The following DSCAM variants were observed in gnomAD, a reference collection of about 807,000 sequenced individuals.
DSCAM encodes the protein cell adhesion molecule DSCAM.
DSCAM carries 47 observed loss-of-function variants against 217.7 expected under a neutral mutation model. That is an observed-to-expected ratio of 0.22 (90% CI 0.17 to 0.28). DSCAM has a LOEUF of 0.28. DSCAM is among the 10% of genes least tolerant of loss of function. The pLI, the probability that DSCAM is intolerant of heterozygous loss-of-function variation, is 1.00. For missense variants in DSCAM, 2,080 were observed against 2,618.3 expected (o/e 0.79, Z 4.49); for synonymous variants, 1,056 against 1,015.3 (o/e 1.04, Z -0.76).
At chr21:40,782,413 A>T (rs1205194911) in intron 1 of DSCAM, among the ~76,000 whole-genome samples, 4 of 152,128 alleles carry the variant, frequency 2.6e-5, no homozygotes, top group Non-Finnish European at 5.9e-5. Context: ...CACAGAAAGG[A>T]AGTGTGGCTT....
chr21:40,044,338 C>T (rs367604627), intron 30 of DSCAM, 63 bp from the exon 31 acceptor site: 20 of 1,526,510 alleles, frequency 1.3e-5, no homozygotes, highest in South Asian at 2.5e-5. Context: ...TGAGAGCAAG[C>T]GTAGAGGTCA....
At position 40,051,974 on chromosome 21, in the gene DSCAM, G is replaced by A. The variant is rs779058480; in HGVS notation, c.5169C>T (p.Asp1723=). 3.5e-5 allele frequency: 56 copies of A among 1,612,882 alleles called. 1 individual carries two copies. Among genetic ancestry groups the A allele is most frequent in the South Asian group, 3.2e-4 (29 of 90,886 alleles). ...QATGPLVDVS[D]ARPGTNPTTR... The stretch of plus-strand genomic sequence containing the variant: ...ACCACTCACTCGTTCCCGGCCGAGC[G>A]TCTGAAACATCCACTAAGGGCCCAG... The change falls in exon 30 of 33, where the codon GAC becomes GAT. Residue 1723 remains aspartate, a synonymous_variant. Coordinates refer to ENST00000400454, the MANE Select transcript of DSCAM (RefSeq NM_001389.5).
chr21:40,310,768 T>C (rs2074129005), intron 9 of DSCAM, among the ~76,000 whole-genome samples: 2 of 152,204 alleles, frequency 1.3e-5, no homozygotes, highest in South Asian at 2.1e-4. Flanking sequence ...AAGAAAACGC[T>C]TGGGAAACAG....
At chr21:40,390,509 G>T (rs2075124321) in intron 3 of DSCAM, among the ~76,000 whole-genome samples, 1 of 152,136 alleles carries the variant, frequency 6.6e-6, no homozygotes, top group Non-Finnish European at 1.5e-5. Flanking sequence ...TTTTCCCAGG[G>T]CTGCTGCAAC....
intron 3 of DSCAM, among the ~76,000 whole-genome samples, chr21:40,560,959 T>C (rs769663458): frequency 1.3e-5 from 2 of 152,226 alleles, no homozygotes; most frequent in Non-Finnish European, 2.9e-5. Context: ...AAGGACCATA[T>C]GCTTATGTAA....
chr21:40,106,708 T>A (rs963542235), intron 20 of DSCAM, among the ~76,000 whole-genome samples: 1 of 152,216 alleles, frequency 6.6e-6, no homozygotes, highest in Non-Finnish European at 1.5e-5. Context: ...GGAGAGTGTA[T>A]GTGTTCAGGA....
At chr21:40,500,956 A>C (rs2076166059) in intron 3 of DSCAM, among the ~76,000 whole-genome samples, 1 of 151,888 alleles carries the variant, frequency 6.6e-6, no homozygotes, top group Non-Finnish European at 1.5e-5. Flanking sequence ...GTAGGTATGC[A>C]GCACGAGGCT....
chr21:40,170,023 A>G (rs1397559692), intron 15 of DSCAM, among the ~76,000 whole-genome samples: 2 of 152,110 alleles, frequency 1.3e-5, no homozygotes, highest in African/African-American at 4.8e-5. Flanking sequence ...CACAATTCAC[A>G]CTGTTCACCC....
At chr21:40,099,471 C>T (rs1168127203) in intron 20 of DSCAM, among the ~76,000 whole-genome samples, 1 of 152,142 alleles carries the variant, frequency 6.6e-6, no homozygotes, top group Non-Finnish European at 1.5e-5. Context: ...CTGATGTCAC[C>T]ACCCTTTGAT....
chr21:40,083,727 A>G (rs1482314150), intron 24 of DSCAM, among the ~76,000 whole-genome samples, 181 bp downstream of exon 24: 1 of 152,212 alleles, frequency 6.6e-6, no homozygotes, highest in Non-Finnish European at 1.5e-5. Flanking sequence ...TTTGAATTTC[A>G]ACAAATATCC....
At chr21:40,390,548 G>C (rs2075124658) in intron 3 of DSCAM, among the ~76,000 whole-genome samples, 1 of 152,136 alleles carries the variant, frequency 6.6e-6, no homozygotes, top group African/African-American at 2.4e-5. Flanking sequence ...TGGTTTAAAT[G>C]ATAGCAGGGT....
intron 1 of DSCAM, among the ~76,000 whole-genome samples, chr21:40,839,287 G>A (rs1436675100): frequency 6.6e-6 from 1 of 152,112 alleles, no homozygotes; most frequent in African/African-American, 2.4e-5. Context: ...AACATGGAGG[G>A]ACTTGTGATA....
chr21:40,033,305 T>A (rs1324368931), intron 32 of DSCAM, among the ~76,000 whole-genome samples: 1 of 151,840 alleles, frequency 6.6e-6, no homozygotes, highest in Non-Finnish European at 1.5e-5. Context: ...TGGGCGCAGG[T>A]CAGTGGGTGT....
rs1212229773 is a variant in DSCAM, at chr21:40,587,644, G to A, written c.508+105166C>T. 2.0e-5 allele frequency among the ~76,000 whole-genome samples: 3 copies of A among 152,104 alleles called. No individual in the cohort carries two copies. In the East Asian group the frequency reaches 5.8e-4, roughly 29 times the overall value. ...AAGTATAATCATTTAAATAGTAAGA[G>A]TAATTTTTTTCAGTGATGCTGCAGC... On this transcript the variant is annotated intron_variant, in intron 3 of 32. Transcript: ENST00000400454.
chr21:40,459,313 C>T (rs944942244), intron 3 of DSCAM, among the ~76,000 whole-genome samples: 6 of 151,766 alleles, frequency 4.0e-5, no homozygotes, highest in East Asian at 1.9e-4. Context: ...ACATACCATT[C>T]GATAAGAGAA....
intron 3 of DSCAM, among the ~76,000 whole-genome samples, chr21:40,407,303 A>T (rs1211882294): frequency 6.6e-6 from 1 of 152,194 alleles, no homozygotes; most frequent in East Asian, 1.9e-4. Context: ...GTCCACTAAA[A>T]CTAAATTTTA....
chr21:40,043,446 A>G (rs1347928970), intron 31 of DSCAM, among the ~76,000 whole-genome samples: 1 of 152,226 alleles, frequency 6.6e-6, no homozygotes, highest in Non-Finnish European at 1.5e-5. Context: ...AGAACAAAAG[A>G]AAAATGAGTA....
chr21:40,635,310 T>C (rs549866695), intron 3 of DSCAM, among the ~76,000 whole-genome samples: 1 of 152,178 alleles, frequency 6.6e-6, no homozygotes, highest in Non-Finnish European at 1.5e-5. Flanking sequence ...AATGCTGGTG[T>C]GCGGGCCAGA....
At chr21:40,211,108 TTA>T (rs1296186242) in intron 11 of DSCAM, among the ~76,000 whole-genome samples, 2 of 152,358 alleles carry the variant, frequency 1.3e-5, no homozygotes, top group East Asian at 3.9e-4. Context: ...TGAGAATGCT[TTA>T]TAAAGATAAC....
Sources: allele counts gnomAD v4.1 joint callset (sites outside exome capture counted in the v4.1 genomes callset), GRCh38; gene constraint gnomAD v4.1.1; transcripts MANE v1.5; gene names NCBI Gene and HGNC (gene_info 2026-07-23, HGNC 2026-07-21).